The following ZNF77 variants were observed in gnomAD, a reference collection of about 807,000 sequenced individuals.
ZNF77 encodes the protein ZNFpT1.
Under a neutral mutation model 13.5 loss-of-function variants are expected in ZNF77, and 15 were observed. The observed-to-expected ratio is 1.11, with a 90% CI of 0.74 to 1.71. The LOEUF is 1.71. Ranked by LOEUF, ZNF77 falls within the 40% of genes most tolerant of loss-of-function variation. The pLI, the probability that ZNF77 is intolerant of heterozygous loss-of-function variation, is 0.00. For missense variants in ZNF77, 717 were observed against 676.4 expected, an observed-to-expected ratio of 1.06 and a Z score of -0.67; for synonymous variants, 282 against 250.0, an observed-to-expected ratio of 1.13 and a Z score of -1.21.
intron 1 of ZNF77, among the ~76,000 whole-genome samples, chr19:2,941,879 G>T (rs1198041045): frequency 6.6e-6 from 1 of 151,812 alleles, no homozygotes; most frequent in Non-Finnish European, 1.5e-5. Flanking sequence ...TCACAATATG[G>T]CATGGGGCTG....
At chr19:2,937,255 G>A (rs1052665680) in intron 2 of ZNF77, among the ~76,000 whole-genome samples, 9 of 152,062 alleles carry the variant, frequency 5.9e-5, no homozygotes, top group South Asian at 4.1e-4. Flanking sequence ...AGGCCGAAGC[G>A]GGTGGATCAC....
chr19:2,939,403 C>T lies in ZNF77; in HGVS notation c.8G>A (p.Cys3Tyr), dbSNP rs12610412. Residue 3 changes from cysteine (C) to tyrosine (Y), a missense_variant, in exon 2 of 4, where the codon TGC becomes TAC. Coordinates refer to ENST00000314531, the MANE Select transcript of ZNF77 (RefSeq NM_021217.3). ...CACAGCCACTTCCTCAAAGATCACG[C>T]AGTCCTAAAACATTCCACACATCCC... MD[C>Y]VIFEEVAVNF... 2 of 1,613,710 alleles carry T rather than the reference C, an allele frequency of 1.2e-6. No homozygotes were observed. Among genetic ancestry groups the T allele is most frequent in the Non-Finnish European group, 1.7e-6 (2 of 1,179,882 alleles).
At position 2,933,673 on chromosome 19, in the gene ZNF77, G is replaced by C; in HGVS notation, c.1454C>G (p.Ser485Ter). 6.2e-7 allele frequency: 1 copy of C among 1,612,852 alleles called. No homozygotes were observed. The highest frequency in any genetic ancestry group is 1.1e-5 in the South Asian group (1 of 90,980). Residue 485 changes from serine (S) to a stop codon, truncating the protein, a stop_gained, in exon 4 of 4, where the codon TCA (serine) becomes TGA (stop). Coordinates refer to ENST00000314531, the MANE Select transcript of ZNF77 (RefSeq NM_021217.3). LOFTEE classifies it low-confidence loss of function (END_TRUNC). The part of the protein sequence containing the change: ...HAQYFQKHVR[S>*]HSGVKPYECT... ...TTCGTAGGGTTTGACCCCACTGTGTGATCTCACATGCTTTTGAAAGTACTG... is the reference window on the plus strand; with the variant it reads ...TTCGTAGGGTTTGACCCCACTGTGTCATCTCACATGCTTTTGAAAGTACTG...
chr19:2,944,781 G>T, intron 1 of ZNF77, 57 bp downstream of exon 1: 1 of 1,488,082 alleles, frequency 6.7e-7, no homozygotes, highest in Non-Finnish European at 8.9e-7. Flanking sequence ...GGCGGAAGCC[G>T]GTTCCTGCCG....
At chr19:2,938,007 T>G (rs1334013746) in intron 2 of ZNF77, among the ~76,000 whole-genome samples, 2 of 152,198 alleles carry the variant, frequency 1.3e-5, no homozygotes, top group East Asian at 3.9e-4. Flanking sequence ...ACCACCCACC[T>G]AGGCCTTCCA....
intron 1 of ZNF77, among the ~76,000 whole-genome samples, chr19:2,943,017 G>A (rs941057072): frequency 3.3e-5 from 5 of 152,038 alleles, no homozygotes; most frequent in Admixed American, 2.6e-4. Flanking sequence ...CCTGACCTCA[G>A]GTGATCCACC....
Position 2,944,870 on chromosome 19 carries a change from T to G in ZNF77, c.-30A>C. 6.6e-7 allele frequency: 1 copy of G among 1,523,388 alleles called. No homozygotes were observed. Among genetic ancestry groups the G allele is most frequent in the Non-Finnish European group, 8.8e-7 (1 of 1,141,598 alleles). 94.4% of individuals were successfully genotyped at this position (1,523,388 alleles called of 1,614,324 possible). A position where few individuals can be genotyped will look rare whatever the true frequency, so the allele number is the denominator to read the frequency against. On this transcript the variant is annotated 5_prime_UTR_variant, in exon 1 of 4. Coordinates refer to ENST00000314531, the MANE Select transcript of ZNF77 (RefSeq NM_021217.3). ...CGCCCGCTCCTGGGCTCTCCAGGGTTAGCGCCCCGCGGTCCAGCGACCGGC... is the reference window on the plus strand; with the variant it reads ...CGCCCGCTCCTGGGCTCTCCAGGGTGAGCGCCCCGCGGTCCAGCGACCGGC...
chr19:2,940,678 G>GAAA (rs71179936), intron 1 of ZNF77, among the ~76,000 whole-genome samples: 3 of 114,610 alleles, frequency 2.6e-5, no homozygotes, highest in Non-Finnish European at 3.5e-5. Flanking sequence ...TCACAAAAAA[G>GAAA]AAAAAAAAAA....
Position 2,933,525 on chromosome 19 carries a change from C to T in ZNF77, c.1602G>A (p.Ser534=), listed in dbSNP as rs751085691. 39 of 1,596,238 alleles carry T rather than the reference C, an allele frequency of 2.4e-5. No individual in the cohort carries two copies. The East Asian group carries it at 6.5e-4, about 27-fold the overall frequency. Residue 534 remains serine (S), a synonymous_variant, in exon 4 of 4, where the codon TCG becomes TCA. Transcript: ENST00000314531. The stretch of plus-strand genomic sequence containing the variant: ...CATGTGTTCTCACATGTGCTTGAAG[C>T]GATGCGAGATACCTGAAGGTTTTCC... The part of the protein sequence containing the change: ...QCGKTFRYLA[S]LQAHVRTHAG...
At chr19:2,944,724 C>G in intron 1 of ZNF77, 114 bp downstream of exon 1, 3 of 1,377,732 alleles carry the variant, frequency 2.2e-6, no homozygotes, top group Non-Finnish European at 1.9e-6. Context: ...AGGCGCTCGT[C>G]GTGCGCCGCC....
chr19:2,934,745 T>C lies in ZNF77; in HGVS notation c.382A>G (p.Asn128Asp). 6.2e-7 allele frequency: 1 copy of C among 1,614,174 alleles called. No individual in the cohort carries two copies. The highest frequency in any genetic ancestry group is 8.5e-7 in the Non-Finnish European group (1 of 1,180,016). ...GGGTAACTCTTGTGCACAAGAAGGT[T>C]CGCAGTCTGGCTCAAGGTCTCTCCG... is the stretch of plus-strand genomic sequence containing the variant. ...QCGETLSQTANLLVHKSYPTE... is the reference protein window; with the variant it reads ...QCGETLSQTADLLVHKSYPTE... Residue 128 changes from asparagine to aspartate, a missense_variant, in exon 4 of 4, where the codon AAC becomes GAC. Transcript: ENST00000314531.
chr19:2,934,385 T>A lies in ZNF77; in HGVS notation c.742A>T (p.Thr248Ser), dbSNP rs770523734. The A allele has an allele frequency of 8.1e-6, 13 of 1,614,028 alleles. No homozygotes were observed. Among genetic ancestry groups the A allele is most frequent in the African/African-American group, 1.3e-5 (1 of 74,904 alleles). Residue 248 changes from threonine to serine, a missense_variant, in exon 4 of 4, where the codon ACC (threonine) becomes TCC (serine). Coordinates refer to ENST00000314531, the MANE Select transcript of ZNF77 (RefSeq NM_021217.3). ...GTAAGGTAGGAGTAATACATAAAGG[T>A]CTTCCCACATACTTTACATGCATGG... ...KTHACKVCGK[T>S]FMYYSYLTRH...
chr19:2,934,414 T>G lies in ZNF77; in HGVS notation c.713A>C (p.Lys238Thr). Residue 238 changes from lysine (K) to threonine (T), a missense_variant, in exon 4 of 4, where the codon AAA becomes ACA. By Grantham distance (78) the Lys-to-Thr change is moderately conservative. Coordinates refer to ENST00000314531, the MANE Select transcript of ZNF77 (RefSeq NM_021217.3). Reference sequence around the variant, plus strand: ...CCCACATACTTTACATGCATGGGTTTTCTGCCCATGATGACTATTCACATG... The same window carrying G: ...CCCACATACTTTACATGCATGGGTTGTCTGCCCATGATGACTATTCACATG... ...RGHVNSHHGQ[K>T]THACKVCGKT... The G allele has an allele frequency of 6.2e-7, 1 of 1,614,232 alleles. No individual in the cohort carries two copies.
chr19:2,942,290 T>C (rs2088455913), intron 1 of ZNF77, among the ~76,000 whole-genome samples: 1 of 151,774 alleles, frequency 6.6e-6, no homozygotes, highest in Non-Finnish European at 1.5e-5. Context: ...CAGGGTGGTC[T>C]TGAATTCCTG....
chr19:2,933,932 CAT>C lies in ZNF77; in HGVS notation c.1193_1194del (p.His398ArgfsTer13), dbSNP rs761868354. ...AFGCPTYFRR[H>X]VKTHSGVKPY... is the part of the protein sequence containing the mutation. ...GGCTTCACCCCGCTGTGTGTTTTCA[CAT>C]GTCTTCTAAAGTAAGTGGGACATCC... On this transcript the variant is annotated frameshift_variant, in exon 4 of 4. Transcript: ENST00000314531. LOFTEE classifies it low-confidence loss of function (END_TRUNC). 7.1e-5 allele frequency: 115 copies of C among 1,613,818 alleles called. No homozygotes were observed. Among genetic ancestry groups the C allele is most frequent in the East Asian group, 3.1e-4 (14 of 44,872 alleles).
At position 2,936,569 on chromosome 19, in the gene ZNF77, A is replaced by G. The variant is rs1385604106; in HGVS notation, c.266T>C (p.Phe89Ser). ...SWSIFGENWR[F>S]DNTGDQHQIP... ...TTGGTGCTGATCTCCAGTGTTATCA[A>G]ATCTCCAATTTTCTCCAAAAATAGA... The change falls in exon 3 of 4, where the codon TTT (phenylalanine) becomes TCT (serine). Residue 89 changes from phenylalanine to serine, a missense_variant. Physicochemically the swap from Phe to Ser is radical, Grantham distance 155. Transcript: ENST00000314531. 1.9e-6 allele frequency: 3 copies of G among 1,611,312 alleles called. No homozygotes were observed. The South Asian group carries it at 3.3e-5, about 18-fold the overall frequency.
intron 3 of ZNF77, among the ~76,000 whole-genome samples, chr19:2,935,494 G>A (rs910823912): frequency 6.6e-5 from 4 of 60,742 alleles, no homozygotes; most frequent in Admixed American, 4.7e-4. Context: ...ATTCTTTTTC[G>A]TATTTTTTTT....
chr19:2,935,229 AG>A (rs1262035010), intron 3 of ZNF77, among the ~76,000 whole-genome samples: 1 of 150,556 alleles, frequency 6.6e-6, no homozygotes, highest in Non-Finnish European at 1.5e-5. Flanking sequence ...CGTGTTAGCC[AG>A]GATGGTCTTG....
In ZNF77 at chr19:2,936,544, T is replaced by C; in HGVS notation, c.291A>G (p.Gln97=). Residue 97 remains glutamine (Q), a synonymous_variant, in exon 3 of 4, where the codon CAA becomes CAG. Coordinates refer to ENST00000314531, the MANE Select transcript of ZNF77 (RefSeq NM_021217.3). The stretch of plus-strand genomic sequence containing the variant: ...CTCACCTCAGATGCCTCTGTGGGAT[T>C]TGGTGCTGATCTCCAGTGTTATCAA... ...WRFDNTGDQH[Q]IPQRHLRSQL... is the part of the protein sequence containing the mutation. The C allele has an allele frequency of 1.9e-6, 3 of 1,605,822 alleles. No individual in the cohort carries two copies. Among genetic ancestry groups the C allele is most frequent in the Non-Finnish European group, 1.7e-6 (2 of 1,177,728 alleles).
Sources: allele counts gnomAD v4.1 joint callset (sites outside exome capture counted in the v4.1 genomes callset), GRCh38; gene constraint gnomAD v4.1.1; transcripts MANE v1.5; gene names NCBI Gene and HGNC (gene_info 2026-07-23, HGNC 2026-07-21).